The following NAV2 variants were observed in gnomAD, a reference collection of about 807,000 sequenced individuals.
NAV2 encodes helicase, APC down-regulated 1.
In NAV2, 54 loss-of-function variants were observed where a neutral mutation model predicts 223.2. That is an observed-to-expected ratio of 0.24 (90% confidence interval 0.19 to 0.30). NAV2 has a LOEUF of 0.30. NAV2 is among the 10% of genes least tolerant of loss of function. The pLI is 1.00. For synonymous variants in NAV2, 1,279 were observed against 1,239.3 expected, an observed-to-expected ratio of 1.03 and a Z score of -0.67; for missense variants, 2,806 against 3,147.5, an observed-to-expected ratio of 0.89 and a Z score of 2.60.
At chr11:19,711,780 G>A (rs1372132893), upstream of NAV2, 1 of 152,192 alleles carries the variant, frequency 6.6e-6, no homozygotes, top group Admixed American at 6.5e-5. Flanking sequence ...ACATTGCCAG[G>A]TACTTGTGCT....
intron 6 of NAV2, among the ~76,000 whole-genome samples, chr11:19,932,571 G>A (rs1408518039): frequency 3.9e-5 from 6 of 152,078 alleles, no homozygotes; most frequent in Non-Finnish European, 5.9e-5. Flanking sequence ...TGCCCGCCTC[G>A]GCCTCCCAAA....
intron 1 of NAV2, among the ~76,000 whole-genome samples, chr11:19,452,228 T>G (rs140105433): frequency 6.6e-6 from 1 of 152,236 alleles, no homozygotes; most frequent in African/African-American, 2.4e-5. Flanking sequence ...TCAGTTGAAC[T>G]AAAGGCAAAT....
At chr11:19,721,644 T>C (rs1265485308) in intron 1 of NAV2, among the ~76,000 whole-genome samples, 1 of 152,224 alleles carries the variant, frequency 6.6e-6, no homozygotes, top group East Asian at 1.9e-4. Flanking sequence ...CCAAATCCGA[T>C]GAGAGATTCT....
intron 6 of NAV2, among the ~76,000 whole-genome samples, chr11:19,921,286 C>A (rs1591251657): frequency 6.6e-6 from 1 of 152,070 alleles, no homozygotes; most frequent in East Asian, 1.9e-4. Context: ...GAATAATAGT[C>A]CAATTCAGCT....
intron 1 of NAV2, among the ~76,000 whole-genome samples, chr11:19,361,116 TG>T (rs892777391): frequency 1.3e-5 from 2 of 151,788 alleles, no homozygotes; most frequent in African/African-American, 4.8e-5. Context: ...AAAATGAGGA[TG>T]GCAATAGTTT....
At chr11:19,892,381 C>T (rs1240013549) in intron 5 of NAV2, 53 bp from the exon 6 acceptor site, 2 of 1,558,004 alleles carry the variant, frequency 1.3e-6, no homozygotes, top group South Asian at 1.2e-5. Context: ...TCTTCCTACA[C>T]ACTGTTATTC....
intron 11 of NAV2, among the ~76,000 whole-genome samples, chr11:20,009,118 G>A (rs987578419): frequency 1.1e-4 from 16 of 152,122 alleles, no homozygotes; most frequent in Admixed American, 2.0e-4. Context: ...GGTCTGTAAC[G>A]GGGAGAGATG....
At chr11:19,861,562 A>G (rs545990227) in intron 3 of NAV2, among the ~76,000 whole-genome samples, 1 of 152,352 alleles carries the variant, frequency 6.6e-6, no homozygotes, top group South Asian at 2.1e-4. Context: ...AGGTGTTATA[A>G]TGACCATTTT....
At position 19,859,137 on chromosome 11, in the gene NAV2, C is replaced by CTTTTTTTTTTTTTTTTTTTTTTTT. The variant is rs569446282; in HGVS notation, c.439-9766_439-9765insTTTTTTTTTTTTTTTTTTTTTTTT. Reference sequence around the variant, plus strand: ...ATGGAGGAGTCCAAAATCATATTCTCTTTTTTTTTTTTTTTTTTTTTTATT... The same window carrying CTTTTTTTTTTTTTTTTTTTTTTTT: ...ATGGAGGAGTCCAAAATCATATTCTCTTTTTTTTTTTTTTTTTTTTTTTTTTTTTTTTTTTTTTTTTTTTTTATT... On this transcript the variant is annotated intron_variant, in intron 3 of 37. Transcript: ENST00000349880. 4.9e-4 allele frequency among the ~76,000 whole-genome samples: 52 copies of CTTTTTTTTTTTTTTTTTTTTTTTT among 107,098 alleles called. 2 individuals carry two copies. Among genetic ancestry groups the CTTTTTTTTTTTTTTTTTTTTTTTT allele is most frequent in the South Asian group, 1.7e-3 (4 of 2,322 alleles). 70.3% of individuals were successfully genotyped at this position (107,098 alleles called of 152,430 possible).
chr11:19,487,080 T>C (rs2042468582), intron 1 of NAV2, among the ~76,000 whole-genome samples: 1 of 152,166 alleles, frequency 6.6e-6, no homozygotes, highest in Non-Finnish European at 1.5e-5. Flanking sequence ...GTAAGTGGCT[T>C]TCCCTCACTG....
chr11:19,781,153 T>C (rs1221150767), intron 1 of NAV2, among the ~76,000 whole-genome samples: 1 of 152,234 alleles, frequency 6.6e-6, no homozygotes, highest in African/African-American at 2.4e-5. Flanking sequence ...ATGACTTGCC[T>C]AAGATTCCAG....
At chr11:20,062,198 G>T in intron 19 of NAV2, 109 bp from the exon 20 acceptor site, 1 of 682,778 alleles carries the variant, frequency 1.5e-6, no homozygotes, top group East Asian at 2.7e-5. Context: ...GTGAGATTAA[G>T]TCATTCCAAG....
At chr11:19,986,870 T>A (rs567319116) in intron 11 of NAV2, among the ~76,000 whole-genome samples, 1 of 152,246 alleles carries the variant, frequency 6.6e-6, no homozygotes, top group Non-Finnish European at 1.5e-5. Flanking sequence ...AATAGTACAT[T>A]TGTTTCTGTA....
intron 25 of NAV2, chr11:20,082,558 C>A: frequency 1.2e-6 from 2 of 1,613,518 alleles, no homozygotes; most frequent in Non-Finnish European, 1.7e-6. Context: ...TTTTCCTCCC[C>A]CTTCCCCATT....
At chr11:20,096,204 G>C (rs1280615741) in intron 30 of NAV2, among the ~76,000 whole-genome samples, 1 of 152,216 alleles carries the variant, frequency 6.6e-6, no homozygotes, top group Non-Finnish European at 1.5e-5. Flanking sequence ...CAACACTTCA[G>C]AGTCTTTGAT....
rs2048820724 is a variant in NAV2, at chr11:19,679,508, A to C, written c.76-152976A>C. ...TCATTTCCTTCCCCTTTGGTACAAT[A>C]AACTCACAGTACCTGCCTCAGCTTT... On this transcript the variant is annotated intron_variant, in intron 1 of 37. Coordinates refer to the NAV2 transcript ENST00000360655. Among the ~76,000 whole-genome samples, 5 of 152,256 alleles carry C rather than the reference A, an allele frequency of 3.3e-5. No individual in the cohort carries two copies. In the South Asian group the frequency reaches 8.3e-4, roughly 25 times the overall value.
intron 1 of NAV2, among the ~76,000 whole-genome samples, chr11:19,679,400 C>T (rs10833154): frequency 0.74 from 106,846 of 144,672 alleles, 43,864 homozygotes; most frequent in Non-Finnish European, 0.91. Context: ...CACTGCACTC[C>T]AGCCTGGGCA....
At chr11:19,738,234 G>A (rs1411457743) in intron 1 of NAV2, among the ~76,000 whole-genome samples, 1 of 152,210 alleles carries the variant, frequency 6.6e-6, no homozygotes, top group Non-Finnish European at 1.5e-5. Flanking sequence ...ATGCCCCAGA[G>A]TCGGGTCCCT....
At chr11:19,545,115 T>C (rs1167226233) in intron 1 of NAV2, among the ~76,000 whole-genome samples, 1 of 152,232 alleles carries the variant, frequency 6.6e-6, no homozygotes, top group Non-Finnish European at 1.5e-5. Flanking sequence ...CTTGCAGTTC[T>C]CATTCATTTC....
Sources: gnomAD v4.1 joint callset for allele counts (sites outside exome capture counted in the v4.1 genomes callset) on GRCh38, gnomAD v4.1.1 for gene constraint, MANE v1.5 for transcripts, NCBI Gene and HGNC (gene_info 2026-07-23, HGNC 2026-07-21) for gene names.